ARHGEF10L: variants seen among roughly 807,000 people sequenced by gnomAD.
ARHGEF10L encodes rho guanine nucleotide exchange factor 10-like protein.
In ARHGEF10L, 69 loss-of-function variants were observed where a neutral mutation model predicts 141.2. That is an observed-to-expected ratio of 0.49 (90% CI 0.40 to 0.60). The LOEUF (loss-of-function observed/expected upper bound fraction) is 0.60. ARHGEF10L is among the 20% of genes least tolerant of loss of function. The probability of loss-of-function intolerance (pLI) is 0.00; values close to 1 mark genes in which losing one functional copy is unlikely to be tolerated. For missense variants in ARHGEF10L, 1,482 were observed against 1,734.3 expected (o/e 0.85, Z 2.58); for synonymous variants, 711 against 718.5 (o/e 0.99, Z 0.17).
intron 27 of ARHGEF10L, among the ~76,000 whole-genome samples, chr1:17,693,345 G>C (rs1208126782): frequency 2.6e-5 from 4 of 152,214 alleles, no homozygotes; most frequent in Non-Finnish European, 5.9e-5. Context: ...CCAGCACCTA[G>C]TGTGGGGTCT....
intron 4 of ARHGEF10L, among the ~76,000 whole-genome samples, chr1:17,599,667 C>T (rs1001712031): frequency 2.0e-5 from 3 of 152,158 alleles, no homozygotes; most frequent in African/African-American, 7.2e-5. Flanking sequence ...CCAGAGAAGC[C>T]CTGTCCTCTC....
intron 4 of ARHGEF10L, among the ~76,000 whole-genome samples, chr1:17,593,323 G>A (rs1306676289): frequency 2.0e-5 from 3 of 152,164 alleles, no homozygotes; most frequent in East Asian, 1.9e-4. Flanking sequence ...GCAGAATCAT[G>A]GCCCTTCCAC....
intron 1 of ARHGEF10L, among the ~76,000 whole-genome samples, chr1:17,549,250 T>C (rs931474882): frequency 3.9e-5 from 6 of 152,072 alleles, no homozygotes; most frequent in Admixed American, 1.3e-4. Flanking sequence ...CTCGAACTCC[T>C]GACCTCAAGT....
At chr1:17,514,282 C>T in the ARHGEF10L span, among the ~76,000 whole-genome samples, 2 of 151,298 alleles carry the variant, frequency 1.3e-5, no homozygotes, top group Non-Finnish European at 2.9e-5. Flanking sequence ...ATTACAGGCG[C>T]CTGCCACCAC....
chr1:17,626,976 A>T (rs920327289), intron 14 of ARHGEF10L, among the ~76,000 whole-genome samples: 1 of 152,242 alleles, frequency 6.6e-6, no homozygotes, highest in African/African-American at 2.4e-5. Context: ...ACGCCATTGT[A>T]TGGAGAGACC....
intron 18 of ARHGEF10L, among the ~76,000 whole-genome samples, chr1:17,637,506 C>CT (rs71575853): frequency 0.22 from 32,758 of 149,098 alleles, 4,452 homozygotes; most frequent in African/African-American, 0.39. Context: ...GGAACTCTTT[C>CT]TTTTTTTTTT....
chr1:17,616,990 G>A (rs1171482504), intron 9 of ARHGEF10L, among the ~76,000 whole-genome samples: 1 of 152,152 alleles, frequency 6.6e-6, no homozygotes, highest in East Asian at 1.9e-4. Flanking sequence ...ACCACACAAG[G>A]CGCACAGAAC....
intron 26 of ARHGEF10L, 77 bp downstream of exon 26, chr1:17,664,672 C>G: frequency 7.1e-7 from 1 of 1,401,126 alleles, no homozygotes; most frequent in South Asian, 1.6e-5. Context: ...TCCACCCCGG[C>G]ACCGCTTTCA....
At chr1:17,655,242 T>C (rs1483337757) in intron 23 of ARHGEF10L, among the ~76,000 whole-genome samples, 2 of 152,196 alleles carry the variant, frequency 1.3e-5, no homozygotes, top group African/African-American at 4.8e-5. Context: ...ACATGGTATA[T>C]CCATCCATCC....
At chr1:17,684,841 C>T (rs538808875) in intron 26 of ARHGEF10L, among the ~76,000 whole-genome samples, 1 of 152,290 alleles carries the variant, frequency 6.6e-6, no homozygotes, top group East Asian at 1.9e-4. Flanking sequence ...CCCCTCCCCT[C>T]CCCTCCTCTG....
At chr1:17,675,953 T>TAG in intron 26 of ARHGEF10L, among the ~76,000 whole-genome samples, 1 of 145,710 alleles carries the variant, frequency 6.9e-6, no homozygotes, top group Non-Finnish European at 1.5e-5. Flanking sequence ...GGTACAGGTG[T>TAG]GTGTACAGGT....
At chr1:17,646,369 G>A (rs1004309327) in intron 21 of ARHGEF10L, among the ~76,000 whole-genome samples, 5 of 152,164 alleles carry the variant, frequency 3.3e-5, no homozygotes, top group East Asian at 3.9e-4. Context: ...CGTTCATGTC[G>A]TGGGTACATC....
intron 1 of ARHGEF10L, among the ~76,000 whole-genome samples, chr1:17,540,855 C>G (rs1490462136): frequency 1.3e-5 from 2 of 152,232 alleles, no homozygotes; most frequent in East Asian, 3.9e-4. Context: ...CCCATCTGCT[C>G]CTCCTCGGGT....
At chr1:17,580,898 G>A (rs1338362533) in intron 2 of ARHGEF10L, among the ~76,000 whole-genome samples, 1 of 152,190 alleles carries the variant, frequency 6.6e-6, no homozygotes, top group Non-Finnish European at 1.5e-5. Context: ...ACACACGGGG[G>A]TCTCAGGCTG....
chr1:17,622,049 G>A, intron 11 of ARHGEF10L, 108 bp downstream of exon 11: 1 of 1,135,090 alleles, frequency 8.8e-7, no homozygotes. Context: ...TAAGGGGACA[G>A]GACCATAAGC....
chr1:17,614,231 C>CA (rs200755489), intron 8 of ARHGEF10L, among the ~76,000 whole-genome samples: 65 of 142,942 alleles, frequency 4.5e-4, no homozygotes, highest in African/African-American at 1.7e-3. Context: ...AGACCCTTTA[C>CA]AGTTACGAGA....
At chr1:17,528,359 C>T in the ARHGEF10L span, among the ~76,000 whole-genome samples, 2 of 152,106 alleles carry the variant, frequency 1.3e-5, no homozygotes, top group African/African-American at 2.4e-5. Context: ...GGACCACAGG[C>T]ATACACCACT....
chr1:17,580,754 C>A, intron 2 of ARHGEF10L, 122 bp downstream of exon 2: 1 of 1,150,052 alleles, frequency 8.7e-7, no homozygotes, highest in Non-Finnish European at 1.3e-6. Flanking sequence ...CTGCTGGCTG[C>A]TGGCCCTGCC....
chr1:17,625,931 A>G lies in ARHGEF10L; in HGVS notation c.1318-25A>G, dbSNP rs775149914. 1 of 1,610,762 alleles carries G rather than the reference A, an allele frequency of 6.2e-7. No individual in the cohort carries two copies. The highest frequency in any genetic ancestry group is 1.1e-5 in the South Asian group (1 of 90,972). ...GGGCCCTCTCTGCAGGGGGTCAGCG[A>G]ATGACGGAACCTTGTCTCCACCAGC... On this transcript the variant is annotated intron_variant, in intron 13 of 28. Coordinates refer to ENST00000361221, the MANE Select transcript of ARHGEF10L (RefSeq NM_018125.4). This position sits in a 1 kb window ranked among gnomAD's most constrained non-coding sequence, Gnocchi z 4.5.
Sources: gnomAD v4.1 joint callset for allele counts (sites outside exome capture counted in the v4.1 genomes callset) on GRCh38, gnomAD v4.1.1 for gene constraint, Gnocchi (gnomAD v3.1) non-coding constraint, MANE v1.5 for transcripts, NCBI Gene and HGNC (gene_info 2026-07-23, HGNC 2026-07-21) for gene names.